The following ARHGAP6 variants were observed in gnomAD, a reference collection of about 807,000 sequenced individuals.
ARHGAP6 encodes the protein Rho GTPase activating protein 6.
In ARHGAP6, 16 loss-of-function variants were observed where a neutral mutation model predicts 55.7. That is an observed-to-expected ratio of 0.29 (90% CI 0.19 to 0.44). The LOEUF (loss-of-function observed/expected upper bound fraction) is 0.44, where lower values mean the gene tolerates loss of function less well. Among genes scored for constraint, ARHGAP6 ranks in the 20% least tolerant of loss-of-function variants. ARHGAP6 has a pLI of 1.00. For missense variants in ARHGAP6, 698 were observed against 808.9 expected (o/e 0.86, Z 1.66); for synonymous variants, 382 against 360.9 (o/e 1.06, Z -0.66).
rs887750856 is a variant in ARHGAP6, at chrX:11,638,553, A to G, written c.588+25688T>C. ...TCTCTACTTGTTTTCAGTTGCAAAAATAATTCTTCCCAGTATGTGTCCTAA... is the reference window on the plus strand; with the variant it reads ...TCTCTACTTGTTTTCAGTTGCAAAAGTAATTCTTCCCAGTATGTGTCCTAA... On this transcript the variant is annotated intron_variant, in intron 1 of 12. Transcript: ENST00000337414. Among the ~76,000 whole-genome samples, 3 of 111,558 alleles carry G rather than the reference A, an allele frequency of 2.7e-5. No individual in the cohort carries two copies. In the Admixed American group the frequency reaches 2.9e-4, roughly 11 times the overall value.
intron 1 of ARHGAP6, among the ~76,000 whole-genome samples, chrX:11,353,493 C>A (rs2048887059): frequency 9.2e-6 from 1 of 109,288 alleles, no homozygotes; most frequent in African/African-American, 3.3e-5. Flanking sequence ...GAGCTATTTG[C>A]TAGGGTGTCC....
At chrX:11,405,619 T>G (rs1015477170) in intron 1 of ARHGAP6, among the ~76,000 whole-genome samples, 3 of 112,321 alleles carry the variant, frequency 2.7e-5, no homozygotes, top group Middle Eastern at 4.6e-3. Flanking sequence ...TGGTTCTTAG[T>G]CTAAACATTG....
chrX:11,225,636 G>A, intron 2 of ARHGAP6: 5 of 456,784 alleles, frequency 1.1e-5, no homozygotes, highest in East Asian at 4.6e-5. Context: ...AAATTTATCC[G>A]ATTTTAATCA....
Position 11,254,609 on chromosome X carries a change from T to C in ARHGAP6, c.687A>G (p.Glu229=), listed in dbSNP as rs753399326. The change falls in exon 2 of 13, where the codon GAA becomes GAG. Residue 229 remains glutamate (E), a synonymous_variant. Transcript: ENST00000337414. ...LSELERARLQ[E]VAFYQLQQDC... ...CCTGTTGCAACTGATAAAAAGCCAC[T>C]TCCTGCAGCCGGGCCCTCTCCAGCT... 42 of 1,206,760 alleles carry C rather than the reference T, an allele frequency of 3.5e-5. 2 individuals are homozygous for C. The South Asian group carries it at 7.4e-4, about 21-fold the overall frequency.
At chrX:11,293,195 G>A (rs925762924) in intron 1 of ARHGAP6, among the ~76,000 whole-genome samples, 4 of 112,335 alleles carry the variant, frequency 3.6e-5, no homozygotes, top group African/African-American at 9.7e-5. Context: ...TCAAAATAGC[G>A]TGATGAAACT....
chrX:11,604,540 A>C (rs1457656804), intron 1 of ARHGAP6, among the ~76,000 whole-genome samples: 1 of 111,372 alleles, frequency 9.0e-6, no homozygotes, highest in Non-Finnish European at 1.9e-5. Flanking sequence ...CTCATGCATA[A>C]ATAGCTGCTA....
At chrX:11,368,435 T>C (rs1185167542) in intron 1 of ARHGAP6, among the ~76,000 whole-genome samples, 1 of 111,909 alleles carries the variant, frequency 8.9e-6, no homozygotes, top group African/African-American at 3.3e-5. Context: ...TGGCCCAGGG[T>C]TCCATATCTG....
chrX:11,397,975 C>T (rs928676393), intron 1 of ARHGAP6, among the ~76,000 whole-genome samples: 15 of 111,474 alleles, frequency 1.3e-4, no homozygotes, highest in African/African-American at 4.9e-4. Flanking sequence ...CAACAGATTC[C>T]CCACATTGAT....
chrX:11,575,121 A>G (rs1247695683), intron 1 of ARHGAP6, among the ~76,000 whole-genome samples: 1 of 111,035 alleles, frequency 9.0e-6, no homozygotes, highest in Non-Finnish European at 1.9e-5. Flanking sequence ...GGTCAATGGA[A>G]TGATAAGAGT....
chrX:11,358,486 T>TTCCTTTC, intron 1 of ARHGAP6, among the ~76,000 whole-genome samples: 1 of 83,986 alleles, frequency 1.2e-5, no homozygotes, highest in African/African-American at 5.0e-5. Flanking sequence ...TCTTTCTTTC[T>TTCCTTTC]TTTTTTTTTT....
At chrX:11,309,444 G>C (rs1368056981) in intron 1 of ARHGAP6, among the ~76,000 whole-genome samples, 1 of 110,909 alleles carries the variant, frequency 9.0e-6, no homozygotes, top group Non-Finnish European at 1.9e-5. Context: ...CTCGGAGGGA[G>C]AGAGCCTTGG....
intron 1 of ARHGAP6, among the ~76,000 whole-genome samples, chrX:11,286,378 A>G (rs1346424224): frequency 9.0e-6 from 1 of 111,220 alleles, no homozygotes; most frequent in Non-Finnish European, 1.9e-5. Flanking sequence ...CATCTAAATA[A>G]CAGTTGTGCC....
intron 1 of ARHGAP6, among the ~76,000 whole-genome samples, chrX:11,337,937 G>A (rs1440004075): frequency 8.9e-6 from 1 of 111,752 alleles, no homozygotes; most frequent in Admixed American, 9.5e-5. Context: ...AGGTCAAAGA[G>A]GAAGCAGACA....
intron 1 of ARHGAP6, among the ~76,000 whole-genome samples, chrX:11,366,098 C>G (rs927971375): frequency 8.9e-6 from 1 of 111,999 alleles, no homozygotes; most frequent in African/African-American, 3.2e-5. Context: ...TAATCACTCC[C>G]CAAAGGCCCT....
At chrX:11,174,914 A>T (rs1432033189) in intron 8 of ARHGAP6, among the ~76,000 whole-genome samples, 2 of 108,395 alleles carry the variant, frequency 1.8e-5, no homozygotes, top group South Asian at 4.1e-4. Context: ...GATGGTCTCG[A>T]TCTCCTGACC....
intron 1 of ARHGAP6, among the ~76,000 whole-genome samples, chrX:11,500,233 T>A (rs951642915): frequency 8.9e-6 from 1 of 111,849 alleles, no homozygotes; most frequent in Non-Finnish European, 1.9e-5. Flanking sequence ...CACTTGGTCA[T>A]CTACCTGCTT....
chrX:11,164,191 A>G (rs2045986219), intron 9 of ARHGAP6, among the ~76,000 whole-genome samples: 1 of 112,473 alleles, frequency 8.9e-6, no homozygotes, highest in African/African-American at 3.2e-5. Context: ...TGGACTCCAT[A>G]TCTGAGATAC....
intron 1 of ARHGAP6, among the ~76,000 whole-genome samples, chrX:11,483,389 G>C (rs763044720): frequency 7.1e-5 from 8 of 112,093 alleles, no homozygotes; most frequent in African/African-American, 2.3e-4. Context: ...GGGATATAAA[G>C]AGAAGTCCAC....
chrX:11,575,746 A>G (rs193210675), intron 1 of ARHGAP6, among the ~76,000 whole-genome samples: 14 of 112,365 alleles, frequency 1.2e-4, no homozygotes, highest in Non-Finnish European at 2.4e-4. Context: ...GAAAGCAACA[A>G]GGATTCCAGA....
Sources: gnomAD v4.1 joint callset for allele counts (sites outside exome capture counted in the v4.1 genomes callset) on GRCh38, gnomAD v4.1.1 for gene constraint, MANE v1.5 for transcripts, NCBI Gene and HGNC (gene_info 2026-07-23, HGNC 2026-07-21) for gene names.